The following PRICKLE1 variants were observed in gnomAD, a reference collection of about 807,000 sequenced individuals.
The protein encoded by PRICKLE1 is prickle planar cell polarity protein 1, also known as prickle-like protein 1.
PRICKLE1 carries 14 observed loss-of-function variants against 70.2 expected under a neutral mutation model. That is an observed-to-expected ratio of 0.20 (90% CI 0.13 to 0.31). PRICKLE1 has a LOEUF of 0.31. Ranked by LOEUF, PRICKLE1 falls within the 10% of genes least tolerant of loss-of-function variation. The probability of loss-of-function intolerance (pLI) is 1.00; values close to 1 mark genes in which losing one functional copy is unlikely to be tolerated. For synonymous variants in PRICKLE1, 357 were observed against 379.9 expected (o/e 0.94, Z 0.70); for missense variants, 821 against 1,026.2 (o/e 0.80, Z 2.73).
chr12:42,461,073 G>A (rs1355426366), intron 7 of PRICKLE1, among the ~76,000 whole-genome samples: 2 of 152,084 alleles, frequency 1.3e-5, no homozygotes, highest in Non-Finnish European at 2.9e-5. Flanking sequence ...TAAAGACGGG[G>A]TTTCTCCATG....
intron 2 of PRICKLE1, among the ~76,000 whole-genome samples, chr12:42,470,687 C>T (rs1326438266): frequency 1.3e-5 from 2 of 152,194 alleles, no homozygotes. Flanking sequence ...TGGTGGATCA[C>T]CTGAGGTCAG....
At chr12:42,571,753 G>T (rs1373180535) in intron 1 of PRICKLE1, among the ~76,000 whole-genome samples, 1 of 152,192 alleles carries the variant, frequency 6.6e-6, no homozygotes, top group Non-Finnish European at 1.5e-5. Flanking sequence ...GAGCTCATTT[G>T]CTATAGAGGC....
intron 1 of PRICKLE1, among the ~76,000 whole-genome samples, chr12:42,513,483 T>A (rs1223756637): frequency 6.6e-6 from 1 of 151,890 alleles, no homozygotes; most frequent in Non-Finnish European, 1.5e-5. Context: ...ATCCAGGAGT[T>A]CTAGGCTGCA....
intron 1 of PRICKLE1, among the ~76,000 whole-genome samples, chr12:42,510,062 G>A (rs1171867652): frequency 6.8e-6 from 1 of 146,566 alleles, no homozygotes; most frequent in African/African-American, 2.7e-5. Context: ...GACAGAGCGA[G>A]ACTCTGTCTC....
Position 42,549,119 on chromosome 12 carries a change from CAAAA to C in PRICKLE1, c.-49+40342_-49+40345del, listed in dbSNP as rs34355848. On this transcript the variant is annotated intron_variant, in intron 1 of 7. Coordinates refer to ENST00000345127, the MANE Select transcript of PRICKLE1 (RefSeq NM_153026.3). ...GGGCAACAGAGTGAGACCCTGTCTC[CAAAA>C]AAAAAAAAAAAAAAAAAAAAACCTA... 6.7e-3 allele frequency among the ~76,000 whole-genome samples: 361 copies of C among 53,956 alleles called. 1 individual carries two copies. The highest frequency in any genetic ancestry group is 0.019 in the African/African-American group (201 of 10,592). 35.4% of individuals were successfully genotyped at this position (53,956 alleles called of 152,430 possible).
At chr12:42,493,851 G>A (rs1182266928) in intron 1 of PRICKLE1, among the ~76,000 whole-genome samples, 2 of 143,910 alleles carry the variant, frequency 1.4e-5, no homozygotes. Flanking sequence ...GAGTAAGACC[G>A]TGTCTAAAAA....
intron 2 of PRICKLE1, among the ~76,000 whole-genome samples, chr12:42,471,050 A>G (rs1048823697): frequency 6.6e-6 from 1 of 152,358 alleles, no homozygotes; most frequent in South Asian, 2.1e-4. Context: ...CTACACGAAC[A>G]CATTTAATTT....
intron 1 of PRICKLE1, among the ~76,000 whole-genome samples, chr12:42,571,251 C>T (rs1041622327): frequency 2.6e-5 from 4 of 151,740 alleles, no homozygotes; most frequent in African/African-American, 4.8e-5. Context: ...AAGAAAAAAA[C>T]GCAAATATTT....
rs554954617 is a variant in PRICKLE1, at chr12:42,528,259, A to G, written c.-48-55695T>C. ...CCATACCTGGCTAACTGTTTTGTAGACATGAGGTTTCATCATGTTGCCCAG... is the reference window on the plus strand; with the variant it reads ...CCATACCTGGCTAACTGTTTTGTAGGCATGAGGTTTCATCATGTTGCCCAG... On this transcript the variant is annotated intron_variant, in intron 1 of 7. Coordinates refer to ENST00000345127, the MANE Select transcript of PRICKLE1 (RefSeq NM_153026.3). 1.1e-3 allele frequency among the ~76,000 whole-genome samples: 164 copies of G among 152,028 alleles called. 1 individual carries two copies. Among genetic ancestry groups the G allele is most frequent in the African/African-American group, 3.8e-3 (159 of 41,476 alleles).
rs145342293 is a variant in PRICKLE1 at position 42,470,399 on chromosome 12, C to T, written c.133-40G>A. 3 of 1,274,962 alleles carry T rather than the reference C, an allele frequency of 2.4e-6. No homozygotes were observed. The East Asian group carries it at 6.9e-5, about 29-fold the overall frequency. 79.0% of individuals were successfully genotyped at this position (1,274,962 alleles called of 1,614,324 possible). ...GTGAGAATGGCATCAACATACAGAACTGAGCATCTCAGCTCACTTAATCTT... is the reference window on the plus strand; with the variant it reads ...GTGAGAATGGCATCAACATACAGAATTGAGCATCTCAGCTCACTTAATCTT... On this transcript the variant is annotated intron_variant, in intron 2 of 7. Transcript: ENST00000345127.
rs1048461892 is a variant in PRICKLE1, at chr12:42,457,397, T to A, written c.*2412A>T. On this transcript the variant is annotated 3_prime_UTR_variant, in exon 8 of 8. Transcript: ENST00000345127. ...ATAAGCAACATATTGCAACAGTCTTTTCTAAAAGGATGCCCACTTGTGGCA... is the reference window on the plus strand; with the variant it reads ...ATAAGCAACATATTGCAACAGTCTTATCTAAAAGGATGCCCACTTGTGGCA... 1.6e-4 allele frequency: 25 copies of A among 152,332 alleles called. No homozygotes were observed. Among genetic ancestry groups the A allele is most frequent in the African/African-American group, 5.8e-4 (24 of 41,570 alleles). 9.4% of individuals were successfully genotyped at this position (152,332 alleles called of 1,614,324 possible).
chr12:42,517,447 G>A (rs1438421915), intron 1 of PRICKLE1, among the ~76,000 whole-genome samples: 5 of 151,784 alleles, frequency 3.3e-5, no homozygotes, highest in Admixed American at 3.3e-4. Flanking sequence ...TGAGTAGCTG[G>A]GACTACAGGC....
At chr12:42,575,403 G>C (rs138652714) in intron 1 of PRICKLE1, among the ~76,000 whole-genome samples, 1 of 152,072 alleles carries the variant, frequency 6.6e-6, no homozygotes, top group East Asian at 1.9e-4. Context: ...ATAGAAAGAC[G>C]TGCAATTTGG....
At chr12:42,469,359 C>T in intron 4 of PRICKLE1, 91 bp downstream of exon 4, 1 of 1,497,592 alleles carries the variant, frequency 6.7e-7, no homozygotes, top group East Asian at 2.3e-5. Context: ...TTTCAGGACC[C>T]ACACCTCTGC....
intron 1 of PRICKLE1, among the ~76,000 whole-genome samples, chr12:42,487,888 A>C (rs781317861): frequency 1.3e-5 from 2 of 152,238 alleles, no homozygotes; most frequent in Non-Finnish European, 2.9e-5. Flanking sequence ...TCTACTAAAA[A>C]TACAAAAATT....
intron 1 of PRICKLE1, among the ~76,000 whole-genome samples, chr12:42,514,894 T>TATCTATCTATCTATCA (rs1555235185): frequency 4.1e-4 from 36 of 86,946 alleles, no homozygotes; most frequent in African/African-American, 1.3e-3. Context: ...TCGCTCTATC[T>TATCTATCTATCTATCA]ATCTATCTAT....
At chr12:42,498,516 C>T (rs1474095080) in intron 1 of PRICKLE1, among the ~76,000 whole-genome samples, 12 of 152,150 alleles carry the variant, frequency 7.9e-5, no homozygotes, top group Non-Finnish European at 1.2e-4. Context: ...GGCATGGTGG[C>T]TCATGCCTGT....
chr12:42,571,179 T>C (rs867572684), intron 1 of PRICKLE1, among the ~76,000 whole-genome samples: 2 of 152,092 alleles, frequency 1.3e-5, no homozygotes, highest in Admixed American at 6.6e-5. Context: ...TTTACCCTAT[T>C]TGAACTGTGA....
At chr12:42,491,350 C>G (rs1939101523) in intron 1 of PRICKLE1, among the ~76,000 whole-genome samples, 2 of 150,798 alleles carry the variant, frequency 1.3e-5, no homozygotes, top group Admixed American at 1.3e-4. Context: ...GTCAGGAGTT[C>G]AAGACCAGCC....
Sources: gnomAD v4.1 joint callset for allele counts (sites outside exome capture counted in the v4.1 genomes callset) on GRCh38, gnomAD v4.1.1 for gene constraint, MANE v1.5 for transcripts, NCBI Gene and HGNC (gene_info 2026-07-23, HGNC 2026-07-21) for gene names.